TCERG1L: variants seen among roughly 807,000 people sequenced by gnomAD.
TCERG1L encodes the protein transcription elongation regulator 1 like.
A neutral mutation model predicts 56.3 loss-of-function variants in TCERG1L; 37 were observed. The ratio of observed to expected loss-of-function variants is 0.66; its 90% CI spans 0.51 to 0.87. TCERG1L has a LOEUF of 0.87. Among genes scored for constraint, TCERG1L ranks in the 40% least tolerant of loss-of-function variants. The pLI is 0.00. For synonymous variants in TCERG1L, 324 were observed against 326.3 expected, an observed-to-expected ratio of 0.99 and a Z score of 0.08; for missense variants, 799 against 774.2, an observed-to-expected ratio of 1.03 and a Z score of -0.38.
At chr10:131,110,783 T>C (rs1046158662) in intron 9 of TCERG1L, among the ~76,000 whole-genome samples, 1 of 152,086 alleles carries the variant, frequency 6.6e-6, no homozygotes, top group Admixed American at 6.5e-5. Flanking sequence ...GCGTCAGCCC[T>C]GAGAAAAGGG....
intron 9 of TCERG1L, among the ~76,000 whole-genome samples, chr10:131,107,580 C>T (rs564675706): frequency 1.2e-4 from 18 of 152,184 alleles, no homozygotes; most frequent in African/African-American, 4.1e-4. Flanking sequence ...TCCAGGTGGG[C>T]GCAGGACTTC....
At chr10:131,123,576 T>A (rs1377638233) in intron 8 of TCERG1L, among the ~76,000 whole-genome samples, 1 of 152,122 alleles carries the variant, frequency 6.6e-6, no homozygotes, top group Admixed American at 6.5e-5. Context: ...TGTCTCCTCA[T>A]CCATGGCAGG....
At chr10:131,204,832 C>T (rs72841309) in intron 4 of TCERG1L, among the ~76,000 whole-genome samples, 8,517 of 152,304 alleles carry the variant, frequency 0.056, 310 homozygotes, top group Non-Finnish European at 0.08. Flanking sequence ...GCCCACCTCT[C>T]GGTTTTATGA....
intron 5 of TCERG1L, among the ~76,000 whole-genome samples, chr10:131,165,428 T>A (rs2133434255): frequency 6.6e-6 from 1 of 152,380 alleles, no homozygotes; most frequent in African/African-American, 2.4e-5. Context: ...ATTATAACAT[T>A]ATCTTTAAGT....
chr10:131,183,308 T>C (rs965782607), intron 4 of TCERG1L, among the ~76,000 whole-genome samples: 3 of 152,220 alleles, frequency 2.0e-5, no homozygotes, highest in African/African-American at 7.2e-5. Flanking sequence ...ACTTTTAAAA[T>C]AATCAATCCT....
chr10:131,129,283 GT>G (rs1490948235), intron 8 of TCERG1L, among the ~76,000 whole-genome samples: 1 of 151,792 alleles, frequency 6.6e-6, no homozygotes, highest in Non-Finnish European at 1.5e-5. Flanking sequence ...GGAATTATTT[GT>G]TTTTTAAGAT....
chr10:131,107,780 A>G (rs1399712528), intron 9 of TCERG1L, among the ~76,000 whole-genome samples: 3 of 152,110 alleles, frequency 2.0e-5, no homozygotes, highest in Non-Finnish European at 4.4e-5. Flanking sequence ...ACAAACATCC[A>G]CAGAGGTGCA....
At chr10:131,275,818 C>T (rs1411035661) in intron 3 of TCERG1L, among the ~76,000 whole-genome samples, 1 of 152,206 alleles carries the variant, frequency 6.6e-6, no homozygotes, top group African/African-American at 2.4e-5. Context: ...CCTGTGCCAG[C>T]ATCAGCTGGT....
At chr10:131,179,547 A>AG (rs1306293008) in intron 4 of TCERG1L, among the ~76,000 whole-genome samples, 1 of 152,116 alleles carries the variant, frequency 6.6e-6, no homozygotes, top group Admixed American at 6.5e-5. Flanking sequence ...GACAGCAGCC[A>AG]GGGGGACTGA....
intron 3 of TCERG1L, among the ~76,000 whole-genome samples, chr10:131,306,009 T>A (rs1184860781): frequency 6.6e-6 from 1 of 152,140 alleles, no homozygotes; most frequent in East Asian, 1.9e-4. Flanking sequence ...TTACAGCATA[T>A]ATGAACATTT....
intron 4 of TCERG1L, among the ~76,000 whole-genome samples, chr10:131,230,197 C>G (rs181079458): frequency 6.6e-6 from 1 of 152,148 alleles, no homozygotes; most frequent in African/African-American, 2.4e-5. Context: ...GGACAGCAGA[C>G]GCCCTCCTTG....
At chr10:131,280,233 T>C (rs1029209996) in intron 3 of TCERG1L, among the ~76,000 whole-genome samples, 28 of 150,712 alleles carry the variant, frequency 1.9e-4, no homozygotes, top group African/African-American at 6.4e-4. Context: ...CTGATGAGCC[T>C]CTCCAAAGGA....
intron 4 of TCERG1L, among the ~76,000 whole-genome samples, chr10:131,220,079 G>A (rs574601914): frequency 1.3e-5 from 2 of 152,166 alleles, no homozygotes; most frequent in Non-Finnish European, 2.9e-5. Context: ...CCCTGGACCC[G>A]GGCTGAGCTC....
In TCERG1L at chr10:131,308,745, T is replaced by C. The variant is rs564074375; in HGVS notation, c.490-354A>G. Reference sequence around the variant, plus strand: ...TGTGAACAAAATGTAGTCAGTAAATTTGAACCCGAAAGCCAAAACAAACCA... The same window carrying C: ...TGTGAACAAAATGTAGTCAGTAAATCTGAACCCGAAAGCCAAAACAAACCA... On this transcript the variant is annotated intron_variant, in intron 2 of 11. Coordinates refer to ENST00000368642, the MANE Select transcript of TCERG1L (RefSeq NM_174937.4). Among the ~76,000 whole-genome samples, 5 of 152,328 alleles carry C rather than the reference T, an allele frequency of 3.3e-5. No homozygotes were observed. The East Asian group carries it at 9.7e-4, about 29-fold the overall frequency.
chr10:131,303,004 C>T (rs1846781539), intron 3 of TCERG1L, among the ~76,000 whole-genome samples: 1 of 152,034 alleles, frequency 6.6e-6, no homozygotes, highest in Non-Finnish European at 1.5e-5. Context: ...ATATGTGCCA[C>T]ATTTTCTTTA....
intron 4 of TCERG1L, among the ~76,000 whole-genome samples, chr10:131,259,009 T>C (rs1449867083): frequency 6.6e-6 from 1 of 152,208 alleles, no homozygotes; most frequent in Non-Finnish European, 1.5e-5. Flanking sequence ...TTTTATTTAT[T>C]TTCTCCATCA....
intron 9 of TCERG1L, among the ~76,000 whole-genome samples, chr10:131,111,375 G>A (rs1473329498): frequency 7.0e-6 from 1 of 142,722 alleles, no homozygotes; most frequent in African/African-American, 2.5e-5. Context: ...CAAACATGGC[G>A]AACTTCCATC....
chr10:131,146,699 G>A (rs1845799490), intron 6 of TCERG1L, 39 bp from the exon 7 acceptor site: 1 of 1,579,138 alleles, frequency 6.3e-7, no homozygotes, highest in African/African-American at 1.4e-5. Flanking sequence ...CGCTCTCGGA[G>A]ACACTTAATT....
rs144546475 is a variant in TCERG1L at position 131,165,730 on chromosome 10, T to C, written c.945+1067A>G. 7.9e-3 allele frequency among the ~76,000 whole-genome samples: 1,210 copies of C among 152,280 alleles called. 5 individuals are homozygous for C. Among genetic ancestry groups the C allele is most frequent in the South Asian group, 0.017 (83 of 4,822 alleles). On this transcript the variant is annotated intron_variant, in intron 5 of 11. Transcript: ENST00000368642. The stretch of plus-strand genomic sequence containing the variant: ...AAATAGAGTAGGATGTAATTTGTGA[T>C]GGGGACTAATGTTTAAATTTGGCAA...
Sources: allele counts gnomAD v4.1 joint callset (sites outside exome capture counted in the v4.1 genomes callset), GRCh38; gene constraint gnomAD v4.1.1; transcripts MANE v1.5; gene names NCBI Gene and HGNC (gene_info 2026-07-23, HGNC 2026-07-21).